Variants in PRDM16 observed in about 807,000 individuals in gnomAD.
The protein encoded by PRDM16 is histone-lysine N-methyltransferase PRDM16.
PRDM16 carries 23 observed loss-of-function variants against 110.6 expected under a neutral mutation model. The ratio of observed to expected loss-of-function variants is 0.21; its 90% CI spans 0.15 to 0.29. The LOEUF is 0.29. Ranked by LOEUF, PRDM16 falls within the 10% of genes least tolerant of loss-of-function variation. PRDM16 has a pLI of 1.00. For synonymous variants in PRDM16, 799 were observed against 781.8 expected, an observed-to-expected ratio of 1.02 and a Z score of -0.37; for missense variants, 1,615 against 1,794.3, an observed-to-expected ratio of 0.90 and a Z score of 1.81.
intron 3 of PRDM16, among the ~76,000 whole-genome samples, chr1:3,269,264 G>A (rs1234496615): frequency 6.6e-6 from 1 of 152,252 alleles, no homozygotes; most frequent in African/African-American, 2.4e-5. Flanking sequence ...CAATCCCGGA[G>A]GAGGACAGTC....
chr1:3,359,783 G>A lies in PRDM16; in HGVS notation c.439-25369G>A, dbSNP rs1642678542. 6.6e-6 allele frequency among the ~76,000 whole-genome samples: 1 copy of A among 151,896 alleles called. No homozygotes were observed. Among genetic ancestry groups the A allele is most frequent in the South Asian group, 2.1e-4 (1 of 4,832 alleles). On this transcript the variant is annotated intron_variant, in intron 3 of 16. Transcript: ENST00000270722. The surrounding 1 kb of genome is among the most constrained non-coding windows in gnomAD (Gnocchi z 4.3). ...TCAGCGGCAGCCAGAAGGCAAGGCG[G>A]GAAAAACGAGCCTGGCCTGAAACCA...
intron 1 of PRDM16, among the ~76,000 whole-genome samples, chr1:3,129,885 C>A (rs1643298250): frequency 6.6e-6 from 1 of 152,210 alleles, no homozygotes; most frequent in Non-Finnish European, 1.5e-5. Context: ...GTCTCTCTCT[C>A]TCCTACTTCC....
chr1:3,415,114 G>T (rs1362249411), intron 10 of PRDM16, among the ~76,000 whole-genome samples: 1 of 152,222 alleles, frequency 6.6e-6, no homozygotes, highest in African/African-American at 2.4e-5. Context: ...GCCCCAGGGA[G>T]GTGGTGGGCA....
intron 8 of PRDM16, among the ~76,000 whole-genome samples, chr1:3,408,126 G>T (rs72849691): frequency 0.011 from 1,695 of 152,300 alleles, 32 homozygotes; most frequent in African/African-American, 0.037. Context: ...TTCCAGGAAT[G>T]GTCAGTTGCT....
chr1:3,221,874 C>T (rs559646125), intron 2 of PRDM16, among the ~76,000 whole-genome samples: 2 of 152,384 alleles, frequency 1.3e-5, no homozygotes, highest in South Asian at 4.1e-4. Flanking sequence ...AGAATTCACT[C>T]CCATCCTGAG....
chr1:3,180,509 G>A (rs12733843), intron 1 of PRDM16, among the ~76,000 whole-genome samples: 7,891 of 152,240 alleles, frequency 0.052, 224 homozygotes, highest in Admixed American at 0.072. Context: ...CCCATAGAGA[G>A]GTGTGCAGCT....
intron 1 of PRDM16, among the ~76,000 whole-genome samples, chr1:3,126,918 C>T (rs187683405): frequency 1.7e-3 from 252 of 152,294 alleles, no homozygotes; most frequent in Non-Finnish European, 2.7e-3. Context: ...TTTAGGGGAT[C>T]GAGAGCTTAC....
intron 1 of PRDM16, among the ~76,000 whole-genome samples, chr1:3,111,288 C>T (rs1017378118): frequency 1.3e-5 from 2 of 151,984 alleles, no homozygotes; most frequent in Non-Finnish European, 2.9e-5. Context: ...TAGTGGGGTG[C>T]GGGCAGCACC....
chr1:3,264,968 C>T (rs921129472), intron 3 of PRDM16, among the ~76,000 whole-genome samples: 15 of 151,836 alleles, frequency 9.9e-5, no homozygotes, highest in African/African-American at 3.1e-4. Context: ...GAAATGGAGG[C>T]GGTGGATATC....
chr1:3,211,533 A>G (rs1638882906), intron 2 of PRDM16, among the ~76,000 whole-genome samples: 1 of 152,208 alleles, frequency 6.6e-6, no homozygotes. Flanking sequence ...TCGTGTCTTG[A>G]AAACAGGTTG....
intron 1 of PRDM16, among the ~76,000 whole-genome samples, chr1:3,099,938 G>A (rs1182348926): frequency 2.6e-5 from 4 of 152,184 alleles, no homozygotes; most frequent in African/African-American, 9.7e-5. Flanking sequence ...AGAAATCGGG[G>A]GTCGGTGGCA....
chr1:3,298,073 C>T (rs931243764), intron 3 of PRDM16, among the ~76,000 whole-genome samples: 1 of 152,102 alleles, frequency 6.6e-6, no homozygotes, highest in Non-Finnish European at 1.5e-5. Flanking sequence ...AGCACCAGGG[C>T]GATGGAAGTT....
chr1:3,401,311 C>T (rs969312168), intron 5 of PRDM16, among the ~76,000 whole-genome samples: 1 of 152,166 alleles, frequency 6.6e-6, no homozygotes, highest in Non-Finnish European at 1.5e-5. Flanking sequence ...CTGCCCCCAT[C>T]CCCCCGTCTC....
Position 3,244,275 on chromosome 1 carries a change from T to C in PRDM16, c.438+138T>C. 1 of 784,864 alleles carries C rather than the reference T, an allele frequency of 1.3e-6. No homozygotes were observed. Among genetic ancestry groups the C allele is most frequent in the Non-Finnish European group, 2.1e-6 (1 of 467,650 alleles). 48.6% of individuals were successfully genotyped at this position (784,864 alleles called of 1,614,324 possible). A position where few individuals can be genotyped will look rare whatever the true frequency, so the allele number is the denominator to read the frequency against. On this transcript the variant is annotated intron_variant, in intron 3 of 16. Coordinates refer to ENST00000270722, the MANE Select transcript of PRDM16 (RefSeq NM_022114.4). The surrounding 1 kb of genome is among the most constrained non-coding windows in gnomAD (Gnocchi z 4.1). ...CTGGCAGGCCCCGAGCAATGTGTTA[T>C]CTGTGGACTGACGTGTGCACAGGAC...
chr1:3,138,638 C>A (rs1643485936), intron 1 of PRDM16, among the ~76,000 whole-genome samples: 1 of 152,180 alleles, frequency 6.6e-6, no homozygotes, highest in African/African-American at 2.4e-5. Flanking sequence ...CTTGTCAGAG[C>A]CCCTTCCTTT....
At chr1:3,154,246 C>A (rs1313625688) in intron 1 of PRDM16, among the ~76,000 whole-genome samples, 2 of 152,154 alleles carry the variant, frequency 1.3e-5, no homozygotes, top group Non-Finnish European at 2.9e-5. Context: ...GACGGACTGG[C>A]GCTGTCACCA....
chr1:3,116,295 T>G (rs1192326654), intron 1 of PRDM16, among the ~76,000 whole-genome samples: 1 of 152,066 alleles, frequency 6.6e-6, no homozygotes, highest in Non-Finnish European at 1.5e-5. Flanking sequence ...CCGGCTGCCC[T>G]GCGCCGGCGT....
chr1:3,378,768 A>G (rs1643040840), intron 3 of PRDM16, among the ~76,000 whole-genome samples: 1 of 152,054 alleles, frequency 6.6e-6, no homozygotes, highest in African/African-American at 2.4e-5. Flanking sequence ...GTACAGGCCC[A>G]AGAAGCCAGG....
intron 15 of PRDM16, 142 bp downstream of exon 15, chr1:3,431,250 C>T: frequency 3.6e-6 from 5 of 1,370,948 alleles, no homozygotes; most frequent in Non-Finnish European, 4.9e-6. Flanking sequence ...GGCCTCCACA[C>T]ACAGGCCAGG....
Sources: allele counts gnomAD v4.1 joint callset (sites outside exome capture counted in the v4.1 genomes callset), GRCh38; gene constraint gnomAD v4.1.1; non-coding constraint Gnocchi (gnomAD v3.1); transcripts MANE v1.5; gene names NCBI Gene and HGNC (gene_info 2026-07-23, HGNC 2026-07-21).